Variants in SLC22A25 observed in about 807,000 individuals in gnomAD.
SLC22A25 encodes solute carrier family 22 member 25, also known as MGI:2442751, MGI:2385316, MGI:3042283, MGI:3645714, MGI:3605624, MGI:2442750.
SLC22A25 carries 44 observed loss-of-function variants against 45.9 expected under a neutral mutation model. The ratio of observed to expected loss-of-function variants is 0.96; its 90% CI spans 0.75 to 1.23. The LOEUF (loss-of-function observed/expected upper bound fraction) is 1.23. Among genes scored for constraint, SLC22A25 ranks in the 50% most tolerant of loss-of-function variants. The probability of loss-of-function intolerance (pLI) is 0.00; values close to 1 mark genes in which losing one functional copy is unlikely to be tolerated. For synonymous variants in SLC22A25, 283 were observed against 238.6 expected (o/e 1.19, Z -1.72); for missense variants, 800 against 666.4 (o/e 1.20, Z -2.21).
rs1245370257 is a variant in SLC22A25, at chr11:63,167,882, C to T, written c.1071-1624G>A. On this transcript the variant is annotated intron_variant, in intron 9 of 11. Transcript: ENST00000306494. ...TGCCTCCTGACTGGGAGACACTTCC[C>T]AGCAGGGGTCAACAGACACTTCATA... is the stretch of plus-strand genomic sequence containing the variant. The T allele has an allele frequency of 9.2e-5, 28 of 305,262 alleles. No individual in the cohort carries two copies. The Admixed American group carries it at 1.2e-3, about 13-fold the overall frequency. 18.9% of individuals were successfully genotyped at this position (305,262 alleles called of 1,614,324 possible).
At chr11:63,196,117 C>T (rs1015218133) in intron 7 of SLC22A25, among the ~76,000 whole-genome samples, 2 of 151,846 alleles carry the variant, frequency 1.3e-5, no homozygotes, top group Admixed American at 1.3e-4. Context: ...ATTAATAGCC[C>T]TCCAACCAAA....
chr11:63,182,402 G>A (rs2134736017), intron 8 of SLC22A25, among the ~76,000 whole-genome samples: 2 of 151,826 alleles, frequency 1.3e-5, no homozygotes, highest in East Asian at 3.9e-4. Context: ...AACCTTGTAG[G>A]TCACATGCTA....
chr11:63,217,799 G>A, intron 5 of SLC22A25, 64 bp from the exon 6 acceptor site: 1 of 1,522,444 alleles, frequency 6.6e-7, no homozygotes, highest in Non-Finnish European at 8.8e-7. Flanking sequence ...GTTAGCAAAG[G>A]GAAAGCACAC....
intron 11 of SLC22A25, 81 bp downstream of exon 11, chr11:63,164,445 G>C (rs2087609109): frequency 1.7e-6 from 2 of 1,208,474 alleles, no homozygotes; most frequent in Non-Finnish European, 2.4e-6. Flanking sequence ...AACTTGTCTT[G>C]GATTTTTTTC....
Position 63,162,136 on chromosome 11 carries a change from G to A in SLC22A25, c.*1688C>T, listed in dbSNP as rs1590761458. Among the ~76,000 whole-genome samples the A allele has an allele frequency of 1.3e-5, 2 of 152,260 alleles. No homozygotes were observed. Among genetic ancestry groups the A allele is most frequent in the East Asian group, 3.9e-4 (2 of 5,184 alleles). ...ATTATTTGATTTTTCCTATAGAGTT[G>A]TTTGAGCTCCTTATATATTCTGGTG... On this transcript the variant is annotated 3_prime_UTR_variant, in exon 12 of 12. Coordinates refer to ENST00000306494, the MANE Select transcript of SLC22A25 (RefSeq NM_199352.6).
At chr11:63,232,396 T>C (rs1216413203) in intron 3 of SLC22A25, among the ~76,000 whole-genome samples, 6 of 152,208 alleles carry the variant, frequency 3.9e-5, no homozygotes, top group African/African-American at 1.4e-4. Context: ...TTTGAAGCAA[T>C]TGTGAATGGG....
chr11:63,219,842 TTAC>T (rs1166350838), intron 5 of SLC22A25: 1 of 1,071,004 alleles, frequency 9.3e-7, no homozygotes, highest in Non-Finnish European at 1.3e-6. Context: ...GAGAGCTGGG[TTAC>T]TGGACTGTTG....
At position 63,229,728 on chromosome 11, in the gene SLC22A25, T is replaced by G; in HGVS notation, c.-76A>C. 1 of 1,442,272 alleles carries G rather than the reference T, an allele frequency of 6.9e-7. No homozygotes were observed. Among genetic ancestry groups the G allele is most frequent in the Non-Finnish European group, 9.4e-7 (1 of 1,066,640 alleles). 89.3% of individuals were successfully genotyped at this position (1,442,272 alleles called of 1,614,324 possible). On this transcript the variant is annotated 5_prime_UTR_variant, in exon 4 of 12. Coordinates refer to ENST00000306494, the MANE Select transcript of SLC22A25 (RefSeq NM_199352.6). Reference sequence around the variant, plus strand: ...TAAGTTCAAAGAGAAAATATTTCCTTTCCTTAAATCACACTAAGTGTGTGT... The same window carrying G: ...TAAGTTCAAAGAGAAAATATTTCCTGTCCTTAAATCACACTAAGTGTGTGT...
intron 7 of SLC22A25, among the ~76,000 whole-genome samples, chr11:63,200,552 TACTG>T (rs1316763808): frequency 6.6e-6 from 1 of 151,866 alleles, no homozygotes; most frequent in Non-Finnish European, 1.5e-5. Context: ...AACAACATAA[TACTG>T]AATGGGCAAA....
intron 3 of SLC22A25, among the ~76,000 whole-genome samples, chr11:63,235,523 G>C (rs1337720959): frequency 6.6e-6 from 1 of 152,078 alleles, no homozygotes; most frequent in East Asian, 1.9e-4. Context: ...TCTCTGCATT[G>C]GTTATTCTAG....
chr11:63,200,681 T>C (rs1164959213), intron 7 of SLC22A25, among the ~76,000 whole-genome samples: 4 of 151,954 alleles, frequency 2.6e-5, no homozygotes. Context: ...CAGAAAGAAA[T>C]AAAGGGCATC....
At chr11:63,241,131 G>A (rs1374584964) in intron 1 of SLC22A25, among the ~76,000 whole-genome samples, 1 of 152,170 alleles carries the variant, frequency 6.6e-6, no homozygotes, top group Non-Finnish European at 1.5e-5. Flanking sequence ...GTGTGTGCAA[G>A]GGGTTTACTA....
At position 63,161,823 on chromosome 11, in the gene SLC22A25, T is replaced by TTTGAGG. The variant is rs1353127075; in HGVS notation, c.*2000_*2001insCCTCAA. Reference sequence around the variant, plus strand: ...CTGGGTCAAATGTTAGCTCTATTTTTAATTTTTTTGAGGAATCTCCAAACT... The same window carrying TTTGAGG: ...CTGGGTCAAATGTTAGCTCTATTTTTTTGAGGAATTTTTTTGAGGAATCTCCAAACT... On this transcript the variant is annotated 3_prime_UTR_variant, in exon 12 of 12. Transcript: ENST00000306494. 6.6e-6 allele frequency among the ~76,000 whole-genome samples: 1 copy of TTTGAGG among 152,218 alleles called. No homozygotes were observed. The highest frequency in any genetic ancestry group is 1.5e-5 in the Non-Finnish European group (1 of 68,044).
At chr11:63,164,165 T>A (rs1590765003) in intron 11 of SLC22A25, 92 bp from the exon 12 acceptor site, 1 of 1,459,046 alleles carries the variant, frequency 6.9e-7, no homozygotes, top group Non-Finnish European at 9.2e-7. Flanking sequence ...GGATGAGCAC[T>A]TAAACACATG....
rs181777319 is a variant in SLC22A25, at chr11:63,164,074, C to T, written c.1395-1G>A. Reference sequence around the variant, plus strand: ...TCCAGTGATTCCAGTAGCTCTTCCCCTTGGAGTAAAAACAGCAACAGAGGA... The same window carrying T: ...TCCAGTGATTCCAGTAGCTCTTCCCTTTGGAGTAAAAACAGCAACAGAGGA... On this transcript the variant is annotated splice_acceptor_variant, in intron 11 of 11. Coordinates refer to ENST00000306494, the MANE Select transcript of SLC22A25 (RefSeq NM_199352.6). LOFTEE classifies it high-confidence loss of function. 6.9e-5 allele frequency: 109 copies of T among 1,572,092 alleles called. 1 individual carries two copies. In the East Asian group the frequency reaches 2.4e-3, roughly 35 times the overall value.
intron 9 of SLC22A25, among the ~76,000 whole-genome samples, chr11:63,180,266 A>C (rs1357764048): frequency 6.6e-6 from 1 of 152,146 alleles, no homozygotes; most frequent in African/African-American, 2.4e-5. Flanking sequence ...AATTTTTTCT[A>C]TACCTTGATC....
At chr11:63,208,817 C>G (rs1350487922) in intron 7 of SLC22A25, among the ~76,000 whole-genome samples, 1 of 151,940 alleles carries the variant, frequency 6.6e-6, no homozygotes, top group Non-Finnish European at 1.5e-5. Flanking sequence ...TCATGGCCAG[C>G]TTCATGGCTG....
rs201664119 is a variant in SLC22A25 at position 63,164,087 on chromosome 11, C to T, written c.1395-14G>A. The T allele has an allele frequency of 6.0e-4, 931 of 1,556,686 alleles. No homozygotes were observed. Among genetic ancestry groups the T allele is most frequent in the Non-Finnish European group, 7.6e-4 (882 of 1,154,970 alleles). ...GTAGCTCTTCCCCTTGGAGTAAAAA[C>T]AGCAACAGAGGAAAAGTTGTTAAAA... On this transcript the variant is annotated splice_polypyrimidine_tract_variant and intron_variant, in intron 11 of 11. Transcript: ENST00000306494.
chr11:63,191,690 C>G (rs1356659221), intron 7 of SLC22A25, among the ~76,000 whole-genome samples: 1 of 151,176 alleles, frequency 6.6e-6, no homozygotes, highest in Non-Finnish European at 1.5e-5. Context: ...CTTGGCTCCA[C>G]CCCCCCAATC....
Sources: gnomAD v4.1 joint callset for allele counts (sites outside exome capture counted in the v4.1 genomes callset) on GRCh38, gnomAD v4.1.1 for gene constraint, MANE v1.5 for transcripts, NCBI Gene and HGNC (gene_info 2026-07-23, HGNC 2026-07-21) for gene names.